KCNAB1: variants seen among roughly 807,000 people sequenced by gnomAD.
The protein encoded by KCNAB1 is potassium voltage-gated channel subfamily A regulatory beta subunit 1.
In KCNAB1, 35 loss-of-function variants were observed where a neutral mutation model predicts 64.6. That is an observed-to-expected ratio of 0.54 (90% CI 0.41 to 0.72). The LOEUF (loss-of-function observed/expected upper bound fraction) is 0.72. Among genes scored for constraint, KCNAB1 ranks in the 30% least tolerant of loss-of-function variants. KCNAB1 has a pLI of 0.00. For synonymous variants in KCNAB1, 177 were observed against 183.8 expected (o/e 0.96, Z 0.30); for missense variants, 401 against 512.9 (o/e 0.78, Z 2.11).
intron 1 of KCNAB1, among the ~76,000 whole-genome samples, chr3:156,353,846 T>G (rs1220073722): frequency 6.6e-6 from 1 of 152,180 alleles, no homozygotes; most frequent in East Asian, 1.9e-4. Flanking sequence ...TCTATTATTC[T>G]TGCGACATTC....
At chr3:156,285,837 A>T (rs1280586647) in intron 1 of KCNAB1, among the ~76,000 whole-genome samples, 1 of 152,230 alleles carries the variant, frequency 6.6e-6, no homozygotes, top group African/African-American at 2.4e-5. Flanking sequence ...TGCTTCCTGT[A>T]ACACTATGGC....
At chr3:156,354,793 T>C (rs1472995838) in intron 1 of KCNAB1, among the ~76,000 whole-genome samples, 1 of 151,574 alleles carries the variant, frequency 6.6e-6, no homozygotes, top group Non-Finnish European at 1.5e-5. Context: ...GATATTCAAC[T>C]GTCCCTATTT....
chr3:156,341,136 G>C (rs1037201308), intron 1 of KCNAB1, among the ~76,000 whole-genome samples: 3 of 152,136 alleles, frequency 2.0e-5, no homozygotes, highest in Admixed American at 1.3e-4. Context: ...AAAAAATACA[G>C]AACTTCTTTT....
At chr3:156,453,070 CAG>C in intron 3 of KCNAB1, 134 bp downstream of exon 3, 1 of 552,910 alleles carries the variant, frequency 1.8e-6, no homozygotes, top group Non-Finnish European at 3.2e-6. Context: ...AAAATTGACT[CAG>C]AGATTATTGT....
At chr3:156,288,000 A>G (rs1255507151) in intron 1 of KCNAB1, among the ~76,000 whole-genome samples, 2 of 152,224 alleles carry the variant, frequency 1.3e-5, no homozygotes, top group Non-Finnish European at 2.9e-5. Context: ...CTGCTATAAC[A>G]AAGAACCACA....
intron 1 of KCNAB1, among the ~76,000 whole-genome samples, chr3:156,287,494 T>C (rs1720164686): frequency 6.6e-6 from 1 of 152,000 alleles, no homozygotes; most frequent in Non-Finnish European, 1.5e-5. Context: ...ATGACAACTA[T>C]CGTTATCATT....
At position 156,452,437 on chromosome 3, in the gene KCNAB1, G is replaced by T. The variant is rs1472891525; in HGVS notation, c.320-462G>T. Among the ~76,000 whole-genome samples the T allele has an allele frequency of 6.6e-6, 1 of 152,208 alleles. No homozygotes were observed. The highest frequency in any genetic ancestry group is 1.5e-5 in the Non-Finnish European group (1 of 68,026). ...GGGCACTGGAAAGACCTCTAAGAGG[G>T]TTTCTTTTGAAAAGTAATAATGAAT... On this transcript the variant is annotated intron_variant, in intron 2 of 13. Coordinates refer to ENST00000490337, the MANE Select transcript of KCNAB1 (RefSeq NM_172160.3). This position sits in a 1 kb window ranked among gnomAD's most constrained non-coding sequence, Gnocchi z 4.6.
intron 1 of KCNAB1, among the ~76,000 whole-genome samples, chr3:156,340,106 C>G (rs986190556): frequency 2.0e-5 from 3 of 152,140 alleles, no homozygotes; most frequent in African/African-American, 4.8e-5. Context: ...GTAGCAGAAG[C>G]ATTTCTGAGG....
chr3:156,411,226 C>T (rs1273318257), intron 1 of KCNAB1, among the ~76,000 whole-genome samples: 1 of 152,060 alleles, frequency 6.6e-6, no homozygotes, highest in African/African-American at 2.4e-5. Context: ...TATTTGCCAT[C>T]AAATGTCTTC....
intron 1 of KCNAB1, among the ~76,000 whole-genome samples, chr3:156,385,909 T>C (rs1007497843): frequency 6.6e-6 from 1 of 152,256 alleles, no homozygotes; most frequent in Non-Finnish European, 1.5e-5. Context: ...AAAGATTTAA[T>C]CACCTCTTTA....
At chr3:156,443,060 G>T (rs1238145790) in intron 2 of KCNAB1, among the ~76,000 whole-genome samples, 1 of 152,160 alleles carries the variant, frequency 6.6e-6, no homozygotes, top group Non-Finnish European at 1.5e-5. Flanking sequence ...TTCATTTTTA[G>T]TTCCGGGATA....
intron 1 of KCNAB1, among the ~76,000 whole-genome samples, chr3:156,299,348 C>T (rs1721005831): frequency 6.6e-6 from 1 of 152,238 alleles, no homozygotes; most frequent in South Asian, 2.1e-4. Context: ...TTCTCCATCT[C>T]CTGTAGAGCC....
chr3:156,517,452 T>C (rs879377852), intron 11 of KCNAB1, among the ~76,000 whole-genome samples: 3 of 152,184 alleles, frequency 2.0e-5, no homozygotes, highest in Non-Finnish European at 4.4e-5. Context: ...TCCTAGAATA[T>C]TAAATAAGGT....
intron 11 of KCNAB1, among the ~76,000 whole-genome samples, chr3:156,518,498 A>T (rs2108398621): frequency 6.6e-6 from 1 of 152,180 alleles, no homozygotes; most frequent in East Asian, 1.9e-4. Context: ...GAAGGAAGGA[A>T]GGTTAATTAA....
rs1712085188 is a variant in KCNAB1 at position 156,452,538 on chromosome 3, A to G, written c.320-361A>G. 1.3e-5 allele frequency among the ~76,000 whole-genome samples: 2 copies of G among 152,230 alleles called. No individual in the cohort carries two copies. Among genetic ancestry groups the G allele is most frequent in the African/African-American group, 4.8e-5 (2 of 41,454 alleles). On this transcript the variant is annotated intron_variant, in intron 2 of 13. Transcript: ENST00000490337. The surrounding 1 kb of genome is among the most constrained non-coding windows in gnomAD (Gnocchi z 4.6). ...AACCCAAGGTCTTACCTTCACTTTC[A>G]GAACATGTGGCTTCTTAGCTCAGTG...
At chr3:156,282,478 A>G (rs1428549019) in intron 1 of KCNAB1, among the ~76,000 whole-genome samples, 2 of 151,282 alleles carry the variant, frequency 1.3e-5, no homozygotes, top group Non-Finnish European at 2.9e-5. Flanking sequence ...GATGTCTGTT[A>G]GGTCTGCTTG....
At chr3:156,267,067 A>C (rs1248567183) in intron 1 of KCNAB1, among the ~76,000 whole-genome samples, 1 of 152,210 alleles carries the variant, frequency 6.6e-6, no homozygotes, top group Non-Finnish European at 1.5e-5. Context: ...TAAAGGCACT[A>C]AAAATTGCCC....
intron 2 of KCNAB1, among the ~76,000 whole-genome samples, chr3:156,427,577 A>G (rs1445455500): frequency 6.6e-6 from 1 of 152,198 alleles, no homozygotes; most frequent in African/African-American, 2.4e-5. Flanking sequence ...AGAAATGACA[A>G]AAGGTCCACT....
At chr3:156,361,234 C>A (rs185442363) in intron 1 of KCNAB1, among the ~76,000 whole-genome samples, 1 of 152,140 alleles carries the variant, frequency 6.6e-6, no homozygotes, top group Admixed American at 6.5e-5. Flanking sequence ...CCTACTCCAG[C>A]GCCTTTGCAC....
Sources: gnomAD v4.1 joint callset for allele counts (sites outside exome capture counted in the v4.1 genomes callset) on GRCh38, gnomAD v4.1.1 for gene constraint, Gnocchi (gnomAD v3.1) non-coding constraint, MANE v1.5 for transcripts, NCBI Gene and HGNC (gene_info 2026-07-23, HGNC 2026-07-21) for gene names.